SH3YL1: variants seen among roughly 807,000 people sequenced by gnomAD.
SH3YL1 encodes SH3 and SYLF domain containing 1, also known as SH3 domain-containing YSC84-like protein 1.
A neutral mutation model predicts 45.8 loss-of-function variants in SH3YL1; 41 were observed. The ratio of observed to expected loss-of-function variants is 0.89; its 90% CI spans 0.70 to 1.16. SH3YL1 has a LOEUF of 1.16. Among genes scored for constraint, SH3YL1 ranks in the 50% most tolerant of loss-of-function variants. The probability of loss-of-function intolerance (pLI) is 0.00; values close to 1 mark genes in which losing one functional copy is unlikely to be tolerated. For missense variants in SH3YL1, 389 were observed against 409.6 expected (o/e 0.95, Z 0.43); for synonymous variants, 152 against 151.4 (o/e 1.00, Z -0.03).
rs567792000 is a variant in SH3YL1, at chr2:218,442, T to A, written c.*369A>T. On this transcript the variant is annotated 3_prime_UTR_variant, in exon 10 of 10. Transcript: ENST00000356150. ...GCTGATTTCTTTTTCTCTAGTCACT[T>A]TGCAAATGGAAATGTAAGAATTGAA... The A allele has an allele frequency of 7.7e-5, 13 of 168,904 alleles. No homozygotes were observed. Among genetic ancestry groups the A allele is most frequent in the Admixed American group, 3.7e-4 (6 of 16,044 alleles). 10.5% of individuals were successfully genotyped at this position (168,904 alleles called of 1,614,324 possible). A position where few individuals can be genotyped will look rare whatever the true frequency, so the allele number is the denominator to read the frequency against.
At chr2:226,485 G>GT (rs934484408) in intron 8 of SH3YL1, among the ~76,000 whole-genome samples, 5 of 152,200 alleles carry the variant, frequency 3.3e-5, no homozygotes, top group African/African-American at 1.2e-4. Flanking sequence ...AATTAACAAG[G>GT]AGATGTGACA....
intron 7 of SH3YL1, 115 bp downstream of exon 7, chr2:230,908 A>C (rs867183753): frequency 5.4e-6 from 5 of 927,176 alleles, no homozygotes; most frequent in Middle Eastern, 2.2e-4. Flanking sequence ...ATGTGAAGTC[A>C]GTGAAACTAC....
At chr2:228,479 T>G (rs948309052) in intron 8 of SH3YL1, among the ~76,000 whole-genome samples, 1 of 152,204 alleles carries the variant, frequency 6.6e-6, no homozygotes, top group Non-Finnish European at 1.5e-5. Context: ...CTAAGAGGAC[T>G]AGAATTTTTA....
rs970221046 is a variant in SH3YL1 at position 218,751 on chromosome 2, A to G, written c.*60T>C. 24 of 1,375,428 alleles carry G rather than the reference A, an allele frequency of 1.7e-5. No individual in the cohort carries two copies. The highest frequency in any genetic ancestry group is 6.9e-5 in the Admixed American group (3 of 43,548). The allele number at this position is 1,375,428 out of a possible 1,614,324, so 85.2% of individuals were successfully genotyped here. On this transcript the variant is annotated 3_prime_UTR_variant, in exon 10 of 10. Transcript: ENST00000356150. ...TATATTAAACATTGCTTAACTAGTA[A>G]ATCCTGTCAGTGTAGAAATAATTTT...
At chr2:230,924 A>G in intron 7 of SH3YL1, 99 bp downstream of exon 7, 3 of 1,104,456 alleles carry the variant, frequency 2.7e-6, no homozygotes, top group Non-Finnish European at 4.1e-6. Context: ...ACTACGAAGG[A>G]GGCTTAGTAG....
chr2:225,556 C>G (rs899611749), intron 8 of SH3YL1, among the ~76,000 whole-genome samples: 4 of 152,196 alleles, frequency 2.6e-5, no homozygotes, highest in Non-Finnish European at 5.9e-5. Flanking sequence ...AGGCACACAC[C>G]AGTGTGAAGG....
intron 4 of SH3YL1, 72 bp from the exon 5 acceptor site, chr2:234,344 A>C: frequency 9.2e-7 from 1 of 1,086,106 alleles, no homozygotes; most frequent in South Asian, 1.4e-5. Flanking sequence ...CTTGACTAAC[A>C]CTCAACTACA....
intron 1 of SH3YL1, chr2:259,720 T>C (rs1048716632): frequency 2.0e-5 from 3 of 151,098 alleles, no homozygotes; most frequent in Admixed American, 1.3e-4. Flanking sequence ...TATTTACAAA[T>C]TTAGTATATA....
chr2:224,950 G>C (rs1344908644), intron 8 of SH3YL1, 30 bp from the exon 9 acceptor site: 2 of 1,556,760 alleles, frequency 1.3e-6, no homozygotes, highest in South Asian at 2.2e-5. Flanking sequence ...TGGTGATTTT[G>C]AAAACTGATT....
At chr2:239,508 T>TGCAA (rs1668452237) in intron 4 of SH3YL1, 1 of 152,202 alleles carries the variant, frequency 6.6e-6, no homozygotes, top group Non-Finnish European at 1.5e-5. Context: ...AGGCAAGCTT[T>TGCAA]GTTGCCAGTC....
intron 7 of SH3YL1, among the ~76,000 whole-genome samples, 176 bp from the exon 8 acceptor site, chr2:230,220 C>T (rs901973870): frequency 3.3e-5 from 5 of 152,170 alleles, no homozygotes; most frequent in African/African-American, 1.2e-4. Flanking sequence ...AACTGGATGA[C>T]AAGACTCAGA....
chr2:238,259 T>TTGTGTGTG (rs3842546), intron 4 of SH3YL1, among the ~76,000 whole-genome samples: 260 of 141,950 alleles, frequency 1.8e-3, no homozygotes, highest in African/African-American at 6.1e-3. Context: ...TCCTCCCTCC[T>TTGTGTGTG]TGTGTGTGTG....
chr2:258,775 T>C (rs931036426), intron 1 of SH3YL1, among the ~76,000 whole-genome samples: 7 of 152,188 alleles, frequency 4.6e-5, no homozygotes, highest in African/African-American at 1.7e-4. Flanking sequence ...TTCGAATGGC[T>C]GTCCCCAGCC....
upstream of SH3YL1, chr2:264,380 G>A (rs1669751487): frequency 1.4e-5 from 3 of 221,376 alleles, no homozygotes; most frequent in African/African-American, 2.3e-5. Context: ...TCGAACGACA[G>A]GCACCACAGC....
At chr2:243,886 T>C (rs1668655743) in intron 4 of SH3YL1, among the ~76,000 whole-genome samples, 1 of 152,198 alleles carries the variant, frequency 6.6e-6, no homozygotes, top group Non-Finnish European at 1.5e-5. Flanking sequence ...CAGTGGCTTG[T>C]TATTCAGAAG....
intron 1 of SH3YL1, chr2:256,404 T>A (rs1300945283): frequency 6.6e-6 from 1 of 152,126 alleles, no homozygotes; most frequent in Non-Finnish European, 1.5e-5. Flanking sequence ...TAAAAAAATG[T>A]TTTATGGCCG....
intron 8 of SH3YL1, among the ~76,000 whole-genome samples, chr2:227,574 A>C (rs776359293): frequency 2.5e-4 from 38 of 152,174 alleles, no homozygotes; most frequent in Admixed American, 1.3e-4. Flanking sequence ...TAACAAATAA[A>C]TAAATAAATA....
rs1667579356 is a variant in SH3YL1, at chr2:221,656, T to C, written c.839-2655A>G. Among the ~76,000 whole-genome samples the C allele has an allele frequency of 2.0e-5, 3 of 152,308 alleles. No individual in the cohort carries two copies. The South Asian group carries it at 6.2e-4, about 32-fold the overall frequency. ...CCGGGATCTCACATTTCTCCTTTACTGAGGCTAAGATGTGTGTTGACTGTT... is the reference window on the plus strand; with the variant it reads ...CCGGGATCTCACATTTCTCCTTTACCGAGGCTAAGATGTGTGTTGACTGTT... On this transcript the variant is annotated intron_variant, in intron 9 of 9. Coordinates refer to ENST00000356150, the MANE Select transcript of SH3YL1 (RefSeq NM_015677.4).
chr2:257,538 A>T (rs1451842733), intron 1 of SH3YL1, among the ~76,000 whole-genome samples: 1 of 152,218 alleles, frequency 6.6e-6, no homozygotes, highest in Non-Finnish European at 1.5e-5. Context: ...CAGCAGCCAT[A>T]CTTCAACCAC....
Sources: allele counts gnomAD v4.1 joint callset (sites outside exome capture counted in the v4.1 genomes callset), GRCh38; gene constraint gnomAD v4.1.1; transcripts MANE v1.5; gene names NCBI Gene and HGNC (gene_info 2026-07-23, HGNC 2026-07-21).